The following ARHGAP26 variants were observed in gnomAD, a reference collection of about 807,000 sequenced individuals.
The protein encoded by ARHGAP26 is Rho GTPase activating protein 26.
A neutral mutation model predicts 104.8 loss-of-function variants in ARHGAP26; 38 were observed. The observed-to-expected ratio is 0.36, with a 90% confidence interval of 0.28 to 0.48. The LOEUF (loss-of-function observed/expected upper bound fraction) is 0.48. Ranked by LOEUF, ARHGAP26 falls within the 20% of genes least tolerant of loss-of-function variation. The pLI, the probability that ARHGAP26 is intolerant of heterozygous loss-of-function variation, is 0.99. For missense variants in ARHGAP26, 704 were observed against 947.9 expected (o/e 0.74, Z 3.38); for synonymous variants, 341 against 340.0 (o/e 1.00, Z -0.03).
chr5:143,044,566 G>A (rs1454036678), intron 14 of ARHGAP26, among the ~76,000 whole-genome samples: 6 of 151,882 alleles, frequency 4.0e-5, no homozygotes, highest in African/African-American at 1.2e-4. Flanking sequence ...GCGTATGTTG[G>A]GGGATGTGGG....
At chr5:142,935,984 C>T (rs1028234378) in intron 11 of ARHGAP26, among the ~76,000 whole-genome samples, 6 of 152,032 alleles carry the variant, frequency 3.9e-5, no homozygotes, top group Non-Finnish European at 7.4e-5. Flanking sequence ...CAGCAGAGGA[C>T]TGGAAGTCCT....
intron 1 of ARHGAP26, among the ~76,000 whole-genome samples, chr5:142,808,899 A>G (rs1221511274): frequency 6.6e-6 from 1 of 152,174 alleles, no homozygotes; most frequent in Non-Finnish European, 1.5e-5. Flanking sequence ...CTGAGAACAT[A>G]TGTTTCATCC....
At chr5:143,180,689 A>G (rs1804204559) in intron 20 of ARHGAP26, among the ~76,000 whole-genome samples, 1 of 152,132 alleles carries the variant, frequency 6.6e-6, no homozygotes, top group Admixed American at 6.5e-5. Context: ...TTATAAAACC[A>G]TCAGATCTCA....
intron 11 of ARHGAP26, among the ~76,000 whole-genome samples, chr5:142,952,545 C>G (rs1266358237): frequency 6.6e-6 from 1 of 152,118 alleles, no homozygotes; most frequent in African/African-American, 2.4e-5. Context: ...TGCTGGGGCA[C>G]TGGTGATAGA....
chr5:142,901,785 T>G, intron 6 of ARHGAP26, 150 bp from the exon 7 acceptor site: 1 of 626,912 alleles, frequency 1.6e-6, no homozygotes. Context: ...AAGGGCATAG[T>G]GCCTGGCACA....
At chr5:142,995,772 T>A (rs1239668867) in intron 11 of ARHGAP26, among the ~76,000 whole-genome samples, 2 of 152,164 alleles carry the variant, frequency 1.3e-5, no homozygotes, top group Non-Finnish European at 1.5e-5. Flanking sequence ...CAAATGCTCA[T>A]CAATGATAGA....
intron 11 of ARHGAP26, among the ~76,000 whole-genome samples, chr5:142,993,403 T>C (rs1775936845): frequency 6.6e-6 from 1 of 151,956 alleles, no homozygotes; most frequent in Admixed American, 6.5e-5. Flanking sequence ...TCTCCTGACC[T>C]CATGATCCAC....
intron 19 of ARHGAP26, among the ~76,000 whole-genome samples, chr5:143,137,025 T>C (rs976023762): frequency 1.3e-5 from 2 of 152,200 alleles, no homozygotes; most frequent in Non-Finnish European, 2.9e-5. Context: ...GCTCATGCAC[T>C]GTGACTTATT....
intron 1 of ARHGAP26, among the ~76,000 whole-genome samples, chr5:142,856,384 T>A (rs1214833082): frequency 6.6e-6 from 1 of 152,214 alleles, no homozygotes; most frequent in Non-Finnish European, 1.5e-5. Flanking sequence ...GGAAGATCGC[T>A]GTTTGGCCAG....
rs1458450728 is a variant in ARHGAP26 at position 143,222,601 on chromosome 5, A to G, written c.*155A>G. ...GAATGTTTCTGTGAGCTCTGGTGTC[A>G]CTCATCTCCATGATCATCTCAGCCA... is the stretch of plus-strand genomic sequence containing the variant. On this transcript the variant is annotated 3_prime_UTR_variant, in exon 23 of 23. Transcript: ENST00000645722. 3.0e-5 allele frequency: 15 copies of G among 506,792 alleles called. No homozygotes were observed. Among genetic ancestry groups the G allele is most frequent in the Non-Finnish European group, 5.1e-5 (15 of 292,524 alleles). 31.4% of individuals were successfully genotyped at this position (506,792 alleles called of 1,614,324 possible).
intron 1 of ARHGAP26, among the ~76,000 whole-genome samples, chr5:142,840,500 A>G (rs1000428741): frequency 6.6e-6 from 1 of 152,222 alleles, no homozygotes; most frequent in Non-Finnish European, 1.5e-5. Context: ...TGAACAAGAC[A>G]GCCAAGGTTC....
intron 10 of ARHGAP26, among the ~76,000 whole-genome samples, chr5:142,914,121 C>A (rs147062379): frequency 1.6e-3 from 244 of 152,264 alleles, no homozygotes; most frequent in African/African-American, 5.4e-3. Context: ...CAGTACTCAC[C>A]CCTCCCTGGG....
chr5:143,218,529 CT>C (rs1810682316), intron 22 of ARHGAP26, among the ~76,000 whole-genome samples: 1 of 152,194 alleles, frequency 6.6e-6, no homozygotes, highest in African/African-American at 2.4e-5. Context: ...TAGTCACACA[CT>C]TGCTCCCTGT....
At chr5:142,965,441 ACGCTGGCATCAC>A (rs1339822326) in intron 11 of ARHGAP26, among the ~76,000 whole-genome samples, 1 of 152,148 alleles carries the variant, frequency 6.6e-6, no homozygotes, top group Non-Finnish European at 1.5e-5. Flanking sequence ...GTCTTCCCAG[ACGCTGGCATCAC>A]CGCTAGACCA....
chr5:142,842,128 A>G (rs1166839456), intron 1 of ARHGAP26, among the ~76,000 whole-genome samples: 2 of 152,212 alleles, frequency 1.3e-5, no homozygotes, highest in Non-Finnish European at 2.9e-5. Flanking sequence ...GTTGGTTCCA[A>G]AGTCATGATT....
intron 4 of ARHGAP26, among the ~76,000 whole-genome samples, chr5:142,883,097 G>GA (rs1757230160): frequency 6.6e-6 from 1 of 152,214 alleles, no homozygotes; most frequent in Non-Finnish European, 1.5e-5. Flanking sequence ...TCTCAGGACA[G>GA]AAACGGCTTC....
At chr5:143,109,077 T>A (rs1449418444) in intron 17 of ARHGAP26, among the ~76,000 whole-genome samples, 2 of 152,230 alleles carry the variant, frequency 1.3e-5, no homozygotes, top group Admixed American at 1.3e-4. Flanking sequence ...TAAAGATTGT[T>A]ACAATGGTGA....
chr5:142,948,243 A>T (rs1051625518), intron 11 of ARHGAP26, among the ~76,000 whole-genome samples: 7 of 152,096 alleles, frequency 4.6e-5, no homozygotes, highest in Non-Finnish European at 8.8e-5. Flanking sequence ...CAGAAGGCTT[A>T]TTAGAGCCCA....
At chr5:143,000,914 A>G (rs959836451) in intron 11 of ARHGAP26, among the ~76,000 whole-genome samples, 4 of 152,136 alleles carry the variant, frequency 2.6e-5, no homozygotes, top group African/African-American at 9.7e-5. Context: ...CATTAGGACA[A>G]ATACCTAATG....
Sources: allele counts gnomAD v4.1 joint callset (sites outside exome capture counted in the v4.1 genomes callset), GRCh38; gene constraint gnomAD v4.1.1; transcripts MANE v1.5; gene names NCBI Gene and HGNC (gene_info 2026-07-23, HGNC 2026-07-21).